Variants in AMBRA1 observed in about 807,000 individuals in gnomAD.
The protein encoded by AMBRA1 is autophagy and beclin 1 regulator 1.
In AMBRA1, 47 loss-of-function variants were observed where a neutral mutation model predicts 125.4. That is an observed-to-expected ratio of 0.37 (90% CI 0.30 to 0.48). The LOEUF is 0.48. Ranked by LOEUF, AMBRA1 falls within the 20% of genes least tolerant of loss-of-function variation. The pLI is 0.99. For synonymous variants in AMBRA1, 626 were observed against 655.5 expected, an observed-to-expected ratio of 0.95 and a Z score of 0.69; for missense variants, 1,331 against 1,693.4, an observed-to-expected ratio of 0.79 and a Z score of 3.76.
intron 1 of AMBRA1, among the ~76,000 whole-genome samples, chr11:46,581,323 A>G (rs994913740): frequency 6.6e-6 from 1 of 151,946 alleles, no homozygotes; most frequent in African/African-American, 2.4e-5. Flanking sequence ...AAATGAAAAA[A>G]TTAGGCCAGG....
intron 9 of AMBRA1, among the ~76,000 whole-genome samples, chr11:46,498,506 G>GA (rs974576366): frequency 1.3e-5 from 2 of 151,750 alleles, no homozygotes; most frequent in Non-Finnish European, 2.9e-5. Context: ...GATTTTACCA[G>GA]AAAAAAAACA....
chr11:46,517,921 C>T (rs986101589), intron 7 of AMBRA1, among the ~76,000 whole-genome samples: 3 of 150,440 alleles, frequency 2.0e-5, no homozygotes, highest in African/African-American at 4.9e-5. Flanking sequence ...TACCCATATT[C>T]GTATATATAT....
Position 46,543,001 on chromosome 11 carries a change from G to A in AMBRA1, c.1016C>T (p.Pro339Leu), listed in dbSNP as rs1952826264. The stretch of plus-strand genomic sequence containing the variant: ...CTCGGTCTGTACAAAAGAAAAGGAA[G>A]GGGTAGTAGCTCTGGCAGAAGCAGG... The part of the protein sequence containing the change: ...VPPASARATT[P>L]SFSFVQTEPF... Residue 339 changes from proline (P) to leucine (L), a missense_variant, in exon 7 of 18, where the codon CCT becomes CTT. Physicochemically the swap from Pro to Leu is moderately conservative, Grantham distance 98. Coordinates refer to ENST00000683756, the MANE Select transcript of AMBRA1 (RefSeq NM_001387011.1). The A allele has an allele frequency of 1.2e-6, 2 of 1,600,812 alleles. No homozygotes were observed. The highest frequency in any genetic ancestry group is 1.7e-6 in the Non-Finnish European group (2 of 1,179,930).
At chr11:46,398,927 T>A (rs984235175) in intron 17 of AMBRA1, among the ~76,000 whole-genome samples, 1 of 150,666 alleles carries the variant, frequency 6.6e-6, no homozygotes, top group Non-Finnish European at 1.5e-5. Context: ...GCATGCACCA[T>A]CATACCTGGC....
At chr11:46,459,072 G>A (rs1283696828) in intron 11 of AMBRA1, among the ~76,000 whole-genome samples, 1 of 152,108 alleles carries the variant, frequency 6.6e-6, no homozygotes, top group Middle Eastern at 3.2e-3. Context: ...GAAAATAGGT[G>A]ACCAAATTAT....
At chr11:46,541,828 A>C in intron 7 of AMBRA1, 117 bp downstream of exon 7, 1 of 1,362,188 alleles carries the variant, frequency 7.3e-7, no homozygotes. Flanking sequence ...TGGCGAGATC[A>C]GAAGCAGATG....
chr11:46,484,740 C>T (rs570398148), intron 11 of AMBRA1, among the ~76,000 whole-genome samples: 42 of 151,892 alleles, frequency 2.8e-4, no homozygotes, highest in African/African-American at 7.7e-4. Context: ...CTCCGCCTCC[C>T]GGATTCACAT....
intron 11 of AMBRA1, among the ~76,000 whole-genome samples, chr11:46,458,205 C>G (rs1265620223): frequency 6.6e-6 from 1 of 152,150 alleles, no homozygotes; most frequent in Non-Finnish European, 1.5e-5. Flanking sequence ...ATCCAGTGTT[C>G]AAACATTAAC....
At chr11:46,583,464 C>A (rs1376734292) in intron 1 of AMBRA1, among the ~76,000 whole-genome samples, 1 of 150,832 alleles carries the variant, frequency 6.6e-6, no homozygotes, top group Non-Finnish European at 1.5e-5. Flanking sequence ...GTCTAAAACA[C>A]CAAAAGCAAT....
chr11:46,588,818 T>A (rs1176920954), intron 1 of AMBRA1, among the ~76,000 whole-genome samples: 1 of 152,046 alleles, frequency 6.6e-6, no homozygotes, highest in African/African-American at 2.4e-5. Flanking sequence ...GTTTTACTTT[T>A]CCATTCTTTA....
intron 11 of AMBRA1, among the ~76,000 whole-genome samples, chr11:46,473,536 G>C (rs1341771663): frequency 6.6e-6 from 1 of 152,254 alleles, no homozygotes; most frequent in Admixed American, 6.5e-5. Flanking sequence ...AACTGTCACA[G>C]AGTGATATAA....
In AMBRA1 at chr11:46,542,529, G is replaced by A; in HGVS notation, c.1488C>T (p.Arg496=). The change falls in exon 7 of 18, where the codon CGC becomes CGT. Residue 496 remains arginine, a synonymous_variant. Coordinates refer to ENST00000683756, the MANE Select transcript of AMBRA1 (RefSeq NM_001387011.1). The surrounding 1 kb of genome is among the most constrained non-coding windows in gnomAD (Gnocchi z 5.9). The part of the protein sequence containing the change: ...GSSQNNSGSI[R]HELQCDLRRF... ...GTCTCAGGTCACACTGAAGCTCATG[G>A]CGAATGCTGCCCGAGTTGTTTTGGC... is the stretch of plus-strand genomic sequence containing the variant. 6.2e-7 allele frequency: 1 copy of A among 1,613,248 alleles called. No individual in the cohort carries two copies. The highest frequency in any genetic ancestry group is 8.5e-7 in the Non-Finnish European group (1 of 1,180,038).
Position 46,513,880 on chromosome 11 carries a change from A to G in AMBRA1, c.2073-1067T>C, listed in dbSNP as rs192956184. ...CTCCTGATTGTTAAATTTTAGCTAC[A>G]ACTTTTTTTTTTTTTTTTTAAACAA... On this transcript the variant is annotated intron_variant, in intron 7 of 17. Coordinates refer to ENST00000683756, the MANE Select transcript of AMBRA1 (RefSeq NM_001387011.1). Among the ~76,000 whole-genome samples the G allele has an allele frequency of 2.6e-4, 39 of 150,266 alleles. No individual in the cohort carries two copies. The East Asian group carries it at 7.6e-3, about 29-fold the overall frequency.
At chr11:46,547,033 T>G (rs1269314966) in intron 4 of AMBRA1, 80 bp downstream of exon 4, 28 of 1,382,900 alleles carry the variant, frequency 2.0e-5, no homozygotes, top group Admixed American at 4.5e-5. Flanking sequence ...ATCACACCAC[T>G]GGGCAACAGA....
intron 8 of AMBRA1, 112 bp from the exon 9 acceptor site, chr11:46,508,482 G>A: frequency 9.0e-7 from 1 of 1,106,442 alleles, no homozygotes; most frequent in Non-Finnish European, 1.3e-6. Flanking sequence ...GAACTCTGGA[G>A]ACATGAAAAT....
At chr11:46,458,596 T>A (rs1032186529) in intron 11 of AMBRA1, among the ~76,000 whole-genome samples, 8 of 152,194 alleles carry the variant, frequency 5.3e-5, no homozygotes, top group Non-Finnish European at 1.0e-4. Flanking sequence ...TAATATTTTT[T>A]AAGTTTTTAA....
intron 1 of AMBRA1, among the ~76,000 whole-genome samples, chr11:46,556,259 A>G (rs556836224): frequency 2.6e-5 from 4 of 152,340 alleles, no homozygotes; most frequent in Non-Finnish European, 5.9e-5. Flanking sequence ...ATATAGAACC[A>G]AAGTTCAAAC....
At chr11:46,521,985 A>G (rs965982616) in intron 7 of AMBRA1, among the ~76,000 whole-genome samples, 2 of 152,230 alleles carry the variant, frequency 1.3e-5, no homozygotes, top group African/African-American at 4.8e-5. Context: ...GCTTAAAAAC[A>G]TCTTTACAAA....
In AMBRA1 at chr11:46,397,908, C is replaced by CA; in HGVS notation, c.3438dup (p.Ala1147CysfsTer51). On this transcript the variant is annotated frameshift_variant, in exon 18 of 18. Transcript: ENST00000683756. LOFTEE classifies it high-confidence loss of function. ...ATCAGCCTCTGGATCCTGCTGAGCGCATCTTCTCCACTGGCACCATACTCT... is the reference window on the plus strand; with the variant it reads ...ATCAGCCTCTGGATCCTGCTGAGCGCAATCTTCTCCACTGGCACCATACTCT... The CA allele has an allele frequency of 1.3e-6, 2 of 1,598,508 alleles. No homozygotes were observed. Among genetic ancestry groups the CA allele is most frequent in the Non-Finnish European group, 1.7e-6 (2 of 1,178,970 alleles).
Sources: allele counts gnomAD v4.1 joint callset (sites outside exome capture counted in the v4.1 genomes callset), GRCh38; gene constraint gnomAD v4.1.1; non-coding constraint Gnocchi (gnomAD v3.1); transcripts MANE v1.5; gene names NCBI Gene and HGNC (gene_info 2026-07-23, HGNC 2026-07-21).